Variants in SBF2 observed in about 807,000 individuals in gnomAD.
SBF2 encodes the protein myotubularin-related protein 13.
In SBF2, 112 loss-of-function variants were observed where a neutral mutation model predicts 225.2. That is an observed-to-expected ratio of 0.50 (90% CI 0.43 to 0.58). The LOEUF (loss-of-function observed/expected upper bound fraction) is 0.58. Among genes scored for constraint, SBF2 ranks in the 20% least tolerant of loss-of-function variants. The pLI is 0.00. For synonymous variants in SBF2, 763 were observed against 773.3 expected (o/e 0.99, Z 0.22); for missense variants, 1,996 against 2,206.2 (o/e 0.90, Z 1.91).
chr11:10,130,466 C>T (rs1355762145), intron 2 of SBF2, among the ~76,000 whole-genome samples: 1 of 151,960 alleles, frequency 6.6e-6, no homozygotes, highest in Non-Finnish European at 1.5e-5. Flanking sequence ...CATCAAGTTA[C>T]AAGGCAATAC....
rs760704483 is a variant in SBF2 at position 9,992,495 on chromosome 11, T to C, written c.1216A>G (p.Lys406Glu). The change falls in exon 12 of 40, where the codon AAA becomes GAA. Residue 406 changes from lysine to glutamate, a missense_variant. Transcript: ENST00000256190. ...GCAAATGCCATTCCACTGAGTACTT[T>C]AGTGAGGAAATCATTCTCGACCAAA... ...RGLVENDFLT[K>E]VLSGMAFAGF... is the part of the protein sequence containing the mutation. 1 of 1,613,096 alleles carries C rather than the reference T, an allele frequency of 6.2e-7. No individual in the cohort carries two copies.
chr11:10,096,414 C>G (rs1209998295), intron 2 of SBF2, among the ~76,000 whole-genome samples: 2 of 114,172 alleles, frequency 1.8e-5, no homozygotes, highest in African/African-American at 6.5e-5. Flanking sequence ...CCTTATAAGT[C>G]AAAGTTCTGT....
At chr11:10,001,101 A>C (rs909730195) in intron 7 of SBF2, 79 bp from the exon 8 acceptor site, 1 of 766,210 alleles carries the variant, frequency 1.3e-6, no homozygotes. Flanking sequence ...TGCTGTGTTA[A>C]GTTTTATATT....
intron 2 of SBF2, among the ~76,000 whole-genome samples, chr11:10,102,655 A>G (rs879741061): frequency 6.6e-6 from 1 of 152,188 alleles, no homozygotes; most frequent in Non-Finnish European, 1.5e-5. Context: ...CTGTAAAAAA[A>G]GTTCTGGGGG....
At chr11:9,948,588 A>C (rs1865691552) in intron 16 of SBF2, among the ~76,000 whole-genome samples, 1 of 152,118 alleles carries the variant, frequency 6.6e-6, no homozygotes, top group African/African-American at 2.4e-5. Flanking sequence ...TCCTTTTAGT[A>C]GACTCATATT....
chr11:9,882,611 A>G (rs913028642), intron 17 of SBF2, among the ~76,000 whole-genome samples: 1 of 152,060 alleles, frequency 6.6e-6, no homozygotes, highest in Non-Finnish European at 1.5e-5. Flanking sequence ...GATCGAGACC[A>G]TCCTGGCTAA....
chr11:10,173,666 A>C (rs1956322606), intron 2 of SBF2, among the ~76,000 whole-genome samples: 1 of 152,094 alleles, frequency 6.6e-6, no homozygotes, highest in Non-Finnish European at 1.5e-5. Context: ...ACCACAACTC[A>C]AGGAGGCCTG....
At chr11:10,072,572 T>C (rs902680994) in intron 2 of SBF2, among the ~76,000 whole-genome samples, 1 of 152,166 alleles carries the variant, frequency 6.6e-6, no homozygotes, top group African/African-American at 2.4e-5. Context: ...GTGAGTTCCA[T>C]TTCAATTCCT....
At chr11:10,246,181 A>G (rs987414118) in intron 1 of SBF2, among the ~76,000 whole-genome samples, 1 of 152,146 alleles carries the variant, frequency 6.6e-6, no homozygotes, top group Non-Finnish European at 1.5e-5. Context: ...AAGGTCCTGG[A>G]TATGTTTATG....
chr11:10,067,801 AG>A (rs1950687611), intron 2 of SBF2, among the ~76,000 whole-genome samples: 1 of 152,146 alleles, frequency 6.6e-6, no homozygotes, highest in Non-Finnish European at 1.5e-5. Flanking sequence ...CTGAGGTGGG[AG>A]GATCAATTGA....
intron 13 of SBF2, among the ~76,000 whole-genome samples, chr11:9,968,990 T>C (rs1867148950): frequency 6.6e-6 from 1 of 151,998 alleles, no homozygotes; most frequent in South Asian, 2.1e-4. Flanking sequence ...CATACCCACA[T>C]GTTTAACTCT....
intron 2 of SBF2, among the ~76,000 whole-genome samples, chr11:10,173,821 G>C (rs928509534): frequency 2.0e-5 from 3 of 150,692 alleles, no homozygotes; most frequent in Admixed American, 1.3e-4. Flanking sequence ...TCTGAGAACA[G>C]GCAGACTGCC....
At chr11:9,902,943 T>A (rs1346037776) in intron 16 of SBF2, among the ~76,000 whole-genome samples, 4 of 124,936 alleles carry the variant, frequency 3.2e-5, no homozygotes, top group East Asian at 2.2e-4. Context: ...GAGGAAAAAA[T>A]GGAATAATAG....
intron 30 of SBF2, chr11:9,811,430 T>C (rs1371502867): frequency 6.6e-6 from 1 of 152,232 alleles, no homozygotes; most frequent in African/African-American, 2.4e-5. Context: ...CTTTAGTCCC[T>C]ATCTTTTGGT....
chr11:9,897,441 G>C (rs1861357622), intron 16 of SBF2, among the ~76,000 whole-genome samples: 1 of 151,962 alleles, frequency 6.6e-6, no homozygotes, highest in Admixed American at 6.6e-5. Flanking sequence ...TTTAACTCCT[G>C]ACCTCAAGTG....
At chr11:10,201,782 G>C (rs1166808661) in intron 1 of SBF2, among the ~76,000 whole-genome samples, 2 of 152,186 alleles carry the variant, frequency 1.3e-5, no homozygotes, top group Non-Finnish European at 2.9e-5. Context: ...GATCACTTGA[G>C]GTCAGGAGTT....
chr11:10,160,916 C>A (rs1955699581), intron 2 of SBF2, among the ~76,000 whole-genome samples: 1 of 152,116 alleles, frequency 6.6e-6, no homozygotes, highest in Admixed American at 6.6e-5. Context: ...AACCTCATTA[C>A]AGGTTCATGC....
At chr11:9,833,019 T>C (rs1855489840) in intron 26 of SBF2, among the ~76,000 whole-genome samples, 2 of 152,244 alleles carry the variant, frequency 1.3e-5, no homozygotes, top group Admixed American at 1.3e-4. Flanking sequence ...CAGATTAATG[T>C]CAACTTTATG....
chr11:10,182,735 TTTG>T (rs201192340), intron 2 of SBF2, among the ~76,000 whole-genome samples: 12,468 of 151,248 alleles, frequency 0.082, 680 homozygotes, highest in East Asian at 0.28. Context: ...TCTATGTCTT[TTTG>T]TTGTTGTTGT....
Sources: allele counts gnomAD v4.1 joint callset (sites outside exome capture counted in the v4.1 genomes callset), GRCh38; gene constraint gnomAD v4.1.1; transcripts MANE v1.5; gene names NCBI Gene and HGNC (gene_info 2026-07-23, HGNC 2026-07-21).